The following HPSE2 variants were observed in gnomAD, a reference collection of about 807,000 sequenced individuals.
HPSE2 encodes the protein inactive heparanase-2.
In HPSE2, 38 loss-of-function variants were observed where a neutral mutation model predicts 60.5. The ratio of observed to expected loss-of-function variants is 0.63; its 90% CI spans 0.48 to 0.82. HPSE2 has a LOEUF of 0.82. HPSE2 is among the 40% of genes least tolerant of loss of function. The pLI is 0.00. For synonymous variants in HPSE2, 295 were observed against 293.2 expected (o/e 1.01, Z -0.06); for missense variants, 713 against 740.4 (o/e 0.96, Z 0.43).
chr10:99,079,456 T>C (rs1416554504), intron 3 of HPSE2, among the ~76,000 whole-genome samples: 2 of 151,904 alleles, frequency 1.3e-5, no homozygotes. Context: ...CACAAGCAAG[T>C]TGGGGTATTG....
intron 5 of HPSE2, among the ~76,000 whole-genome samples, chr10:98,695,561 T>C (rs1452899336): frequency 6.6e-6 from 1 of 152,198 alleles, no homozygotes; most frequent in East Asian, 1.9e-4. Flanking sequence ...AAGGTGGATA[T>C]TGTCAGTTCC....
intron 3 of HPSE2, among the ~76,000 whole-genome samples, chr10:99,100,952 A>AC (rs1843947850): frequency 6.6e-6 from 1 of 152,166 alleles, no homozygotes; most frequent in African/African-American, 2.4e-5. Context: ...TGATTTTGTC[A>AC]CCACCAGGCC....
chr10:98,857,921 A>C (rs888877168), intron 3 of HPSE2, among the ~76,000 whole-genome samples: 5 of 152,194 alleles, frequency 3.3e-5, no homozygotes, highest in African/African-American at 1.2e-4. Context: ...AAAAAATGTG[A>C]GGGCTGTATT....
chr10:98,646,772 C>T (rs963459226), intron 6 of HPSE2, among the ~76,000 whole-genome samples: 5 of 151,940 alleles, frequency 3.3e-5, no homozygotes, highest in Non-Finnish European at 7.4e-5. Flanking sequence ...TTGGTGTTGC[C>T]CTTTATTTTT....
At chr10:98,585,655 G>T (rs968209428) in intron 9 of HPSE2, among the ~76,000 whole-genome samples, 2 of 149,008 alleles carry the variant, frequency 1.3e-5, no homozygotes, top group Non-Finnish European at 3.0e-5. Flanking sequence ...TTTTTGGTAA[G>T]TAAAAACTTA....
intron 3 of HPSE2, among the ~76,000 whole-genome samples, chr10:98,911,883 ACC>A: frequency 6.6e-6 from 1 of 152,018 alleles, no homozygotes; most frequent in Non-Finnish European, 1.5e-5. Flanking sequence ...TGGGTTTAAA[ACC>A]TGGCTTTTGT....
intron 9 of HPSE2, among the ~76,000 whole-genome samples, chr10:98,557,895 G>A (rs2133866753): frequency 6.6e-6 from 1 of 152,236 alleles, no homozygotes; most frequent in East Asian, 1.9e-4. Context: ...GTTGCAGTGA[G>A]CCGAGATCAT....
chr10:98,538,246 C>A (rs190058301), intron 9 of HPSE2, among the ~76,000 whole-genome samples: 5 of 152,174 alleles, frequency 3.3e-5, no homozygotes, highest in Non-Finnish European at 7.3e-5. Context: ...TCATTTATTA[C>A]AATCTTTCGT....
intron 3 of HPSE2, among the ~76,000 whole-genome samples, chr10:98,852,357 T>C (rs10883220): frequency 0.65 from 98,514 of 151,864 alleles, 32,713 homozygotes; most frequent in South Asian, 0.77. Flanking sequence ...GAGCTGGCCA[T>C]AAAGAATTCT....
At chr10:98,555,515 C>A (rs142738391) in intron 9 of HPSE2, among the ~76,000 whole-genome samples, 2 of 152,148 alleles carry the variant, frequency 1.3e-5, no homozygotes, top group East Asian at 3.8e-4. Flanking sequence ...TGGCTCTCCA[C>A]GGGATTCGTT....
chr10:98,571,955 T>TTTTTTC, intron 9 of HPSE2, among the ~76,000 whole-genome samples: 1 of 151,362 alleles, frequency 6.6e-6, no homozygotes, highest in African/African-American at 2.4e-5. Flanking sequence ...TTTTTTTTTT[T>TTTTTTC]TGAGACGGAG....
rs188418020 is a variant in HPSE2 at position 98,931,183 on chromosome 10, A to G, written c.611-187127T>C. Among the ~76,000 whole-genome samples the G allele has an allele frequency of 3.8e-3, 544 of 144,384 alleles. 47 individuals are homozygous for G. The highest frequency in any genetic ancestry group is 4.8e-3 in the Non-Finnish European group (323 of 67,242). The allele number at this position is 144,384 out of a possible 152,430, so 94.7% of individuals were successfully genotyped here. On this transcript the variant is annotated intron_variant, in intron 3 of 11. Coordinates refer to ENST00000370552, the MANE Select transcript of HPSE2 (RefSeq NM_021828.5). The stretch of plus-strand genomic sequence containing the variant: ...AAGAGATCCCATTTCAATTTTCTGC[A>G]TATAACTAGCCAGTTCTCCTAGCAC...
In HPSE2 at chr10:98,529,457, T is replaced by A. The variant is rs565139086; in HGVS notation, c.1321-39261A>T. The stretch of plus-strand genomic sequence containing the variant: ...TACCTAGCCATCCATCTTCTCCATT[T>A]TTGTACTCAAGCAGCTGAATGTAGC... On this transcript the variant is annotated intron_variant, in intron 9 of 11. Transcript: ENST00000370552. 2.6e-5 allele frequency among the ~76,000 whole-genome samples: 4 copies of A among 152,292 alleles called. No homozygotes were observed. In the East Asian group the frequency reaches 7.7e-4, roughly 29 times the overall value.
At chr10:99,022,816 C>A (rs1158194452) in intron 3 of HPSE2, among the ~76,000 whole-genome samples, 1 of 152,050 alleles carries the variant, frequency 6.6e-6, no homozygotes, top group Non-Finnish European at 1.5e-5. Flanking sequence ...AACTGAAGAG[C>A]CTTTGGGCCC....
chr10:98,753,191 C>G (rs1318815986), intron 3 of HPSE2, among the ~76,000 whole-genome samples: 1 of 152,034 alleles, frequency 6.6e-6, no homozygotes, highest in Non-Finnish European at 1.5e-5. Flanking sequence ...GTAAAGAGAA[C>G]AGATGTTATG....
At chr10:98,485,460 C>T (rs1024348635) in intron 10 of HPSE2, among the ~76,000 whole-genome samples, 13 of 152,192 alleles carry the variant, frequency 8.5e-5, no homozygotes, top group Non-Finnish European at 1.8e-4. Context: ...TCCTCCGGTC[C>T]TTCTTAATCT....
At chr10:98,675,579 AT>A (rs1947619109) in intron 6 of HPSE2, among the ~76,000 whole-genome samples, 1 of 122,244 alleles carries the variant, frequency 8.2e-6, no homozygotes, top group South Asian at 2.5e-4. Flanking sequence ...CACACACACA[AT>A]AACCAGCCAT....
At chr10:98,853,200 G>A (rs1952225291) in intron 3 of HPSE2, among the ~76,000 whole-genome samples, 1 of 152,206 alleles carries the variant, frequency 6.6e-6, no homozygotes, top group Non-Finnish European at 1.5e-5. Flanking sequence ...GCTAAATGAG[G>A]AGGAATAGTA....
At chr10:98,896,772 C>T (rs1246920630) in intron 3 of HPSE2, among the ~76,000 whole-genome samples, 1 of 152,044 alleles carries the variant, frequency 6.6e-6, no homozygotes, top group Non-Finnish European at 1.5e-5. Flanking sequence ...CACAAATTAC[C>T]AGTCTGATCC....
Sources: allele counts gnomAD v4.1 joint callset (sites outside exome capture counted in the v4.1 genomes callset), GRCh38; gene constraint gnomAD v4.1.1; transcripts MANE v1.5; gene names NCBI Gene and HGNC (gene_info 2026-07-23, HGNC 2026-07-21).